The following PTPRG variants were observed in gnomAD, a reference collection of about 807,000 sequenced individuals.
The protein encoded by PTPRG is protein tyrosine phosphatase receptor type G.
PTPRG carries 102 observed loss-of-function variants against 165.3 expected under a neutral mutation model. The observed-to-expected ratio is 0.62, with a 90% CI of 0.53 to 0.73. The LOEUF is 0.73. Among genes scored for constraint, PTPRG ranks in the 30% least tolerant of loss-of-function variants. PTPRG has a pLI of 0.00. For synonymous variants in PTPRG, 675 were observed against 669.5 expected (o/e 1.01, Z -0.13); for missense variants, 1,866 against 1,861.4 (o/e 1.00, Z -0.05).
At chr3:61,590,866 C>A (rs1700552389) in intron 1 of PTPRG, among the ~76,000 whole-genome samples, 1 of 152,034 alleles carries the variant, frequency 6.6e-6, no homozygotes, top group Non-Finnish European at 1.5e-5. Context: ...TGCCTGTAAT[C>A]CCAGCACTTT....
chr3:62,054,419 TC>T (rs1700564265), intron 4 of PTPRG, among the ~76,000 whole-genome samples: 1 of 152,238 alleles, frequency 6.6e-6, no homozygotes, highest in South Asian at 2.1e-4. Flanking sequence ...TGTCTATAGA[TC>T]CATTTGTAAG....
At chr3:61,910,920 C>A (rs994932697) in intron 2 of PTPRG, among the ~76,000 whole-genome samples, 1 of 152,180 alleles carries the variant, frequency 6.6e-6, no homozygotes, top group East Asian at 1.9e-4. Context: ...CAATTCTTGA[C>A]TCTGGTTGTC....
intron 3 of PTPRG, among the ~76,000 whole-genome samples, chr3:62,001,428 G>A (rs1418650089): frequency 1.3e-5 from 2 of 152,080 alleles, no homozygotes; most frequent in Middle Eastern, 3.2e-3. Context: ...CAATCAAAAC[G>A]TTTTGCCTTC....
At position 61,887,123 on chromosome 3, in the gene PTPRG, CAT is replaced by C. The variant is rs148352398; in HGVS notation, c.191-102455_191-102454del. Among the ~76,000 whole-genome samples, 359 of 85,742 alleles carry C rather than the reference CAT, an allele frequency of 4.2e-3. 2 individuals carry two copies. The highest frequency in any genetic ancestry group is 0.01 in the East Asian group (12 of 1,152). 56.3% of individuals were successfully genotyped at this position (85,742 alleles called of 152,430 possible). A position where few individuals can be genotyped will look rare whatever the true frequency, so the allele number is the denominator to read the frequency against. ...ATTTTTAAAGTATAACCATAGCATG[CAT>C]ATATATATATATATATATATATATA... On this transcript the variant is annotated intron_variant, in intron 2 of 29. Transcript: ENST00000474889.
At chr3:61,986,160 A>T (rs1253869786) in intron 2 of PTPRG, among the ~76,000 whole-genome samples, 3 of 148,888 alleles carry the variant, frequency 2.0e-5, no homozygotes, top group Non-Finnish European at 4.4e-5. Flanking sequence ...TAAAGAGTGG[A>T]ACTCTGCCAC....
chr3:61,576,090 C>T (rs1463752893), intron 1 of PTPRG, among the ~76,000 whole-genome samples: 1 of 152,178 alleles, frequency 6.6e-6, no homozygotes, highest in African/African-American at 2.4e-5. Context: ...GTGGCAGAAC[C>T]AGAATCTGAA....
intron 17 of PTPRG, among the ~76,000 whole-genome samples, chr3:62,266,392 T>C (rs769312666): frequency 3.9e-5 from 6 of 152,128 alleles, no homozygotes; most frequent in East Asian, 3.9e-4. Context: ...ACCTCCCAAA[T>C]TGATCTATTA....
intron 1 of PTPRG, among the ~76,000 whole-genome samples, chr3:61,647,648 C>T (rs541510630): frequency 2.9e-4 from 44 of 152,118 alleles, no homozygotes; most frequent in Admixed American, 6.5e-4. Context: ...AAAAATTAGC[C>T]GGGCGTGGTG....
At chr3:62,264,732 T>A (rs1236909258) in intron 17 of PTPRG, among the ~76,000 whole-genome samples, 1 of 152,226 alleles carries the variant, frequency 6.6e-6, no homozygotes, top group Non-Finnish European at 1.5e-5. Flanking sequence ...TCTCAGCTAG[T>A]ATGAATACCG....
At chr3:61,988,140 T>G (rs2040805209) in intron 2 of PTPRG, among the ~76,000 whole-genome samples, 1 of 152,086 alleles carries the variant, frequency 6.6e-6, no homozygotes, top group Non-Finnish European at 1.5e-5. Flanking sequence ...ACATGTTCAT[T>G]TGGATAGTCT....
At chr3:62,167,912 G>T in intron 7 of PTPRG, 59 bp from the exon 8 acceptor site, 24 of 1,488,778 alleles carry the variant, frequency 1.6e-5, no homozygotes, top group Non-Finnish European at 2.2e-5. Flanking sequence ...TTTTCTAATT[G>T]ATGTGTGTTT....
intron 4 of PTPRG, among the ~76,000 whole-genome samples, chr3:62,062,675 TTG>T (rs1491131822): frequency 2.2e-4 from 18 of 81,164 alleles, no homozygotes; most frequent in South Asian, 8.1e-4. Context: ...TTTTATGGCA[TTG>T]TTTTTTTTAA....
chr3:61,976,840 T>C (rs544377834), intron 2 of PTPRG, among the ~76,000 whole-genome samples: 2 of 152,186 alleles, frequency 1.3e-5, no homozygotes, highest in South Asian at 4.2e-4. Context: ...CATGCCTGGC[T>C]AATTTTTGTA....
chr3:62,138,293 G>A (rs958707082), intron 6 of PTPRG, among the ~76,000 whole-genome samples: 1 of 152,218 alleles, frequency 6.6e-6, no homozygotes, highest in African/African-American at 2.4e-5. Context: ...TTAAAATGAT[G>A]TGTAACATAA....
intron 10 of PTPRG, among the ~76,000 whole-genome samples, chr3:62,198,420 C>T (rs1222646109): frequency 6.6e-6 from 1 of 152,108 alleles, no homozygotes; most frequent in Non-Finnish European, 1.5e-5. Context: ...TTACCAAATA[C>T]CTGCAGTCTT....
At chr3:62,117,994 T>C (rs1475055626) in intron 5 of PTPRG, among the ~76,000 whole-genome samples, 1 of 152,212 alleles carries the variant, frequency 6.6e-6, no homozygotes, top group African/African-American at 2.4e-5. Flanking sequence ...ATTCTTGCCA[T>C]GTGCCTGGCA....
chr3:61,777,810 C>A (rs978221043), intron 2 of PTPRG, among the ~76,000 whole-genome samples: 7 of 152,124 alleles, frequency 4.6e-5, no homozygotes, highest in Admixed American at 3.9e-4. Flanking sequence ...AGAGGGTAAT[C>A]ACATCATCTG....
chr3:61,999,583 T>C (rs1289238789), intron 3 of PTPRG, among the ~76,000 whole-genome samples: 2 of 152,238 alleles, frequency 1.3e-5, no homozygotes, highest in Non-Finnish European at 2.9e-5. Context: ...CTTTTCCTGC[T>C]GTTGTTTTAA....
intron 7 of PTPRG, among the ~76,000 whole-genome samples, chr3:62,161,690 A>T (rs952177030): frequency 6.6e-6 from 1 of 152,218 alleles, no homozygotes; most frequent in African/African-American, 2.4e-5. Context: ...AATCACCTTC[A>T]TGCAAAACTG....
Sources: allele counts gnomAD v4.1 joint callset (sites outside exome capture counted in the v4.1 genomes callset), GRCh38; gene constraint gnomAD v4.1.1; transcripts MANE v1.5; gene names NCBI Gene and HGNC (gene_info 2026-07-23, HGNC 2026-07-21).